Variants in ACVR1C observed in about 807,000 individuals in gnomAD.
ACVR1C encodes activin receptor type-1C.
Under a neutral mutation model 57.9 loss-of-function variants are expected in ACVR1C, and 23 were observed. That is an observed-to-expected ratio of 0.40 (90% CI 0.29 to 0.56). The LOEUF (loss-of-function observed/expected upper bound fraction) is 0.56. Among genes scored for constraint, ACVR1C ranks in the 20% least tolerant of loss-of-function variants. The pLI, the probability that ACVR1C is intolerant of heterozygous loss-of-function variation, is 0.50. For missense variants in ACVR1C, 480 were observed against 607.9 expected, an observed-to-expected ratio of 0.79 and a Z score of 2.21; for synonymous variants, 214 against 215.3, an observed-to-expected ratio of 0.99 and a Z score of 0.05.
chr2:157,612,058 C>G (rs767412060), intron 1 of ACVR1C, among the ~76,000 whole-genome samples: 10 of 152,166 alleles, frequency 6.6e-5, no homozygotes, highest in Middle Eastern at 3.2e-3. Flanking sequence ...TTGTCAATAG[C>G]AGTGGCCACA....
chr2:157,556,352 G>A lies in ACVR1C; in HGVS notation c.305-20C>T. 2 of 1,609,614 alleles carry A rather than the reference G, an allele frequency of 1.2e-6. No individual in the cohort carries two copies. Among genetic ancestry groups the A allele is most frequent in the South Asian group, 1.1e-5 (1 of 90,422 alleles). On this transcript the variant is annotated intron_variant, in intron 2 of 8. Transcript: ENST00000243349. ...GTGATGCTACAGTTTAAAGAAGAAA[G>A]AACATGACCATAAATCAAACCATTT...
chr2:157,600,404 T>C (rs2105139189), intron 1 of ACVR1C, among the ~76,000 whole-genome samples: 1 of 152,256 alleles, frequency 6.6e-6, no homozygotes, highest in South Asian at 2.1e-4. Flanking sequence ...CTAAGAAAGC[T>C]CTGACTTGTT....
chr2:157,620,212 T>C (rs1189386676), intron 1 of ACVR1C, among the ~76,000 whole-genome samples: 1 of 152,114 alleles, frequency 6.6e-6, no homozygotes, highest in Non-Finnish European at 1.5e-5. Flanking sequence ...AGGAATCTTC[T>C]GCTAATTATA....
chr2:157,551,836 C>T (rs1373824263), intron 3 of ACVR1C, among the ~76,000 whole-genome samples: 1 of 152,200 alleles, frequency 6.6e-6, no homozygotes, highest in African/African-American at 2.4e-5. Context: ...TGTTCATTCA[C>T]ATGTTCTCAT....
chr2:157,575,705 T>C (rs1278960216), intron 2 of ACVR1C, among the ~76,000 whole-genome samples: 2 of 152,224 alleles, frequency 1.3e-5, no homozygotes, highest in East Asian at 3.8e-4. Flanking sequence ...GACAGCCACA[T>C]AACCAGCTAA....
chr2:157,576,908 G>T lies in ACVR1C; in HGVS notation c.304+10279C>A. On this transcript the variant is annotated intron_variant, in intron 2 of 8. Coordinates refer to ENST00000243349, the MANE Select transcript of ACVR1C (RefSeq NM_145259.3). ...TGTCGCCCAGGCCGGACTGCGGACTGCAGTGGCACAATCTCGGCTCACTGC... is the reference window on the plus strand; with the variant it reads ...TGTCGCCCAGGCCGGACTGCGGACTTCAGTGGCACAATCTCGGCTCACTGC... Among the ~76,000 whole-genome samples, 2 of 35,946 alleles carry T rather than the reference G, an allele frequency of 5.6e-5. 1 individual carries two copies. The highest frequency in any genetic ancestry group is 1.1e-4 in the Non-Finnish European group (2 of 18,102). The allele number at this position is 35,946 out of a possible 152,430, so 23.6% of individuals were successfully genotyped here.
chr2:157,601,634 G>A (rs1442126247), intron 1 of ACVR1C, among the ~76,000 whole-genome samples: 2 of 152,254 alleles, frequency 1.3e-5, no homozygotes, highest in East Asian at 1.9e-4. Flanking sequence ...AGAAACAAAC[G>A]AAAACCTTGT....
intron 8 of ACVR1C, among the ~76,000 whole-genome samples, chr2:157,538,230 G>A (rs78508262): frequency 0.011 from 1,669 of 152,318 alleles, 27 homozygotes; most frequent in African/African-American, 0.039. Flanking sequence ...ACCTGACCTA[G>A]AGATCTGGAA....
intron 1 of ACVR1C, among the ~76,000 whole-genome samples, chr2:157,623,749 A>G (rs1219403896): frequency 6.6e-6 from 1 of 152,138 alleles, no homozygotes; most frequent in Non-Finnish European, 1.5e-5. Flanking sequence ...ATGTAATTGG[A>G]TTGTTTGTAA....
chr2:157,582,815 G>A (rs1688823040), intron 2 of ACVR1C, among the ~76,000 whole-genome samples: 1 of 152,194 alleles, frequency 6.6e-6, no homozygotes, highest in Non-Finnish European at 1.5e-5. Context: ...AGATGATTAT[G>A]TATGCAGAAA....
At chr2:157,606,003 T>C (rs537636267) in intron 1 of ACVR1C, among the ~76,000 whole-genome samples, 18 of 151,722 alleles carry the variant, frequency 1.2e-4, no homozygotes, top group Non-Finnish European at 2.1e-4. Context: ...ATTCTCTATG[T>C]TCATGAGAGC....
chr2:157,574,548 T>A (rs1318125882), intron 2 of ACVR1C, among the ~76,000 whole-genome samples: 3 of 152,100 alleles, frequency 2.0e-5, no homozygotes, highest in African/African-American at 4.8e-5. Context: ...TCCCAGAAAC[T>A]GTGTAGATCA....
chr2:157,538,771 A>G (rs947990375), intron 7 of ACVR1C, 68 bp from the exon 8 acceptor site: 3 of 1,325,302 alleles, frequency 2.3e-6, no homozygotes, highest in African/African-American at 1.5e-5. Context: ...TTTAAATAAT[A>G]CCAATTAAGT....
At chr2:157,556,453 T>G (rs922293836) in intron 2 of ACVR1C, 121 bp from the exon 3 acceptor site, 1 of 1,287,886 alleles carries the variant, frequency 7.8e-7, no homozygotes, top group Non-Finnish European at 1.1e-6. Context: ...TATGCACTTA[T>G]GTTCATTGGT....
chr2:157,589,950 A>G (rs1689025499), intron 1 of ACVR1C, among the ~76,000 whole-genome samples: 1 of 151,890 alleles, frequency 6.6e-6, no homozygotes, highest in Non-Finnish European at 1.5e-5. Flanking sequence ...TCTATTCAAT[A>G]AATGGTTCTT....
rs145645675 is a variant in ACVR1C at position 157,590,598 on chromosome 2, C to T, written c.74-3181G>A. ...ACATTGAACCAAGCATAACAGCTCA[C>T]TTTCCTATTTATTCTAGTGGTGACC... On this transcript the variant is annotated intron_variant, in intron 1 of 8. Transcript: ENST00000243349. 5.1e-3 allele frequency among the ~76,000 whole-genome samples: 776 copies of T among 152,050 alleles called. 4 individuals carry two copies. The highest frequency in any genetic ancestry group is 0.018 in the African/African-American group (732 of 41,520).
In ACVR1C at chr2:157,563,129, G is replaced by A. The variant is rs529463824; in HGVS notation, c.305-6797C>T. On this transcript the variant is annotated intron_variant, in intron 2 of 8. Transcript: ENST00000243349. ...TGGAAGTTCTGGCCAGGGCAATCAG[G>A]CAACAGAAGGAAATAAAGCGTATTC... Among the ~76,000 whole-genome samples the A allele has an allele frequency of 7.9e-5, 12 of 152,224 alleles. 1 individual carries two copies. Among genetic ancestry groups the A allele is most frequent in the African/African-American group, 2.4e-4 (10 of 41,526 alleles).
chr2:157,621,022 G>C (rs1250183511), intron 1 of ACVR1C, among the ~76,000 whole-genome samples: 1 of 152,158 alleles, frequency 6.6e-6, no homozygotes, highest in Non-Finnish European at 1.5e-5. Flanking sequence ...TTTTCTTGAA[G>C]TGAAAAGTTT....
intron 1 of ACVR1C, among the ~76,000 whole-genome samples, chr2:157,599,496 T>C (rs1682233087): frequency 6.6e-6 from 1 of 152,096 alleles, no homozygotes; most frequent in Non-Finnish European, 1.5e-5. Context: ...CTAGATAAGA[T>C]GTTCACCTGC....
Sources: allele counts gnomAD v4.1 joint callset (sites outside exome capture counted in the v4.1 genomes callset), GRCh38; gene constraint gnomAD v4.1.1; transcripts MANE v1.5; gene names NCBI Gene and HGNC (gene_info 2026-07-23, HGNC 2026-07-21).